CHLSN: variants seen among roughly 807,000 people sequenced by gnomAD.
CHLSN encodes protein cholesin.
the CHLSN span, among the ~76,000 whole-genome samples, chr7:1,051,293 A>G: frequency 6.6e-6 from 1 of 152,198 alleles, no homozygotes; most frequent in Non-Finnish European, 1.5e-5. Context: ...TCAGCTCTCT[A>G]GGGTGCACCT....
chr7:1,010,196 G>A, the CHLSN span: 1 of 1,525,260 alleles, frequency 6.6e-7, no homozygotes, highest in African/African-American at 1.4e-5. Context: ...TCCAGAGACG[G>A]GTGCGCTGCC....
the CHLSN span, among the ~76,000 whole-genome samples, chr7:1,130,508 C>T: frequency 6.6e-6 from 1 of 152,142 alleles, no homozygotes; most frequent in Non-Finnish European, 1.5e-5. Context: ...GCAGAAGAAG[C>T]CCTCACCTGA....
At chr7:1,033,623 G>A in the CHLSN span, among the ~76,000 whole-genome samples, 5 of 152,120 alleles carry the variant, frequency 3.3e-5, no homozygotes, top group Non-Finnish European at 4.4e-5. Context: ...GAAATACGAC[G>A]TGGTCAAACC....
the CHLSN span, among the ~76,000 whole-genome samples, chr7:1,098,694 G>A: frequency 6.6e-6 from 1 of 152,182 alleles, no homozygotes; most frequent in African/African-American, 2.4e-5. Flanking sequence ...GCAGACACGA[G>A]TGGAGCTGCC....
chr7:1,032,936 CCT>C, the CHLSN span, among the ~76,000 whole-genome samples: 245 of 152,342 alleles, frequency 1.6e-3, no homozygotes, highest in African/African-American at 5.2e-3. Flanking sequence ...CCGGATACCC[CCT>C]CTCTGGGAAA....
chr7:1,097,700 G>C, the CHLSN span, among the ~76,000 whole-genome samples: 2 of 152,174 alleles, frequency 1.3e-5, no homozygotes, highest in African/African-American at 4.8e-5. The surrounding 1 kb of genome is among the most constrained non-coding windows in gnomAD (Gnocchi z 4.3). Flanking sequence ...TTAGTGCTCG[G>C]GGAAAGGTCA....
chr7:1,122,748 A>T, the CHLSN span, among the ~76,000 whole-genome samples: 1 of 151,930 alleles, frequency 6.6e-6, no homozygotes, highest in Non-Finnish European at 1.5e-5. Context: ...GAACTCCTAA[A>T]CCCCAGCTCC....
the CHLSN span, chr7:1,092,691 C>G: frequency 6.2e-7 from 1 of 1,613,510 alleles, no homozygotes; most frequent in Non-Finnish European, 8.5e-7. Flanking sequence ...GCCTAAACCC[C>G]CTCATCTACA....
chr7:1,006,410 AG>A, the CHLSN span, among the ~76,000 whole-genome samples: 1 of 148,004 alleles, frequency 6.8e-6, no homozygotes, highest in Non-Finnish European at 1.5e-5. Flanking sequence ...GCCATACTGC[AG>A]GGAAAGAGCG....
the CHLSN span, among the ~76,000 whole-genome samples, chr7:1,046,215 CT>C: frequency 0.012 from 1,798 of 152,314 alleles, 33 homozygotes; most frequent in African/African-American, 0.038. Flanking sequence ...AGCTGCAGCT[CT>C]CACAGCCCCT....
At chr7:1,123,654 T>C in the CHLSN span, among the ~76,000 whole-genome samples, 514 of 150,814 alleles carry the variant, frequency 3.4e-3, 1 homozygote, top group Non-Finnish European at 5.9e-3. The surrounding 1 kb of genome is among the most constrained non-coding windows in gnomAD (Gnocchi z 4.4). Context: ...CAAGGAAATA[T>C]CCATATTAGC....
chr7:990,388 C>T, the CHLSN span, among the ~76,000 whole-genome samples: 1 of 151,376 alleles, frequency 6.6e-6, no homozygotes, highest in Non-Finnish European at 1.5e-5. Context: ...GTGCTGGGGG[C>T]GGTGTGATGG....
At chr7:1,036,300 C>T in the CHLSN span, among the ~76,000 whole-genome samples, 6 of 151,824 alleles carry the variant, frequency 4.0e-5, no homozygotes, top group Admixed American at 6.6e-5. Flanking sequence ...TTCGGGTGCT[C>T]GTGCTGTGGC....
the CHLSN span, among the ~76,000 whole-genome samples, chr7:1,099,671 G>A: frequency 6.6e-6 from 1 of 152,246 alleles, no homozygotes; most frequent in Non-Finnish European, 1.5e-5. Flanking sequence ...TCAGAAAGTG[G>A]AGATGCCAGC....
At chr7:1,020,076 C>T in the CHLSN span, among the ~76,000 whole-genome samples, 1 of 152,210 alleles carries the variant, frequency 6.6e-6, no homozygotes, top group African/African-American at 2.4e-5. Context: ...AGGAGAGATC[C>T]AAGGGCCGGC....
chr7:990,988 A>C, the CHLSN span, among the ~76,000 whole-genome samples: 1 of 151,266 alleles, frequency 6.6e-6, no homozygotes. Context: ...TTGTGCCCCC[A>C]ACTTAGTCGG....
the CHLSN span, among the ~76,000 whole-genome samples, chr7:978,831 C>T: frequency 1.3e-5 from 2 of 152,274 alleles, no homozygotes; most frequent in African/African-American, 4.8e-5. Context: ...CTTGCACTTG[C>T]ACTTGGGCAG....
chr7:988,608 C>T, the CHLSN span: 2 of 1,603,606 alleles, frequency 1.2e-6, no homozygotes, highest in South Asian at 2.2e-5. Flanking sequence ...TGGTGCAGCC[C>T]ACTCTGTGCC....
chr7:1,114,586 C>T, the CHLSN span, among the ~76,000 whole-genome samples: 3 of 152,266 alleles, frequency 2.0e-5, no homozygotes, highest in South Asian at 2.1e-4. Flanking sequence ...CTCCACAGGC[C>T]GTGATGGGCG....
Sources: allele counts gnomAD v4.1 joint callset (sites outside exome capture counted in the v4.1 genomes callset), GRCh38; gene constraint gnomAD v4.1.1; non-coding constraint Gnocchi (gnomAD v3.1); transcripts MANE v1.5; gene names NCBI Gene and HGNC (gene_info 2026-07-23, HGNC 2026-07-21).